Variants in DSCAM observed in about 807,000 individuals in gnomAD.
DSCAM encodes the protein cell adhesion molecule DSCAM.
A neutral mutation model predicts 217.7 loss-of-function variants in DSCAM; 47 were observed. That is an observed-to-expected ratio of 0.22 (90% CI 0.17 to 0.28). The LOEUF (loss-of-function observed/expected upper bound fraction) is 0.28, where lower values mean the gene tolerates loss of function less well. DSCAM is among the 10% of genes least tolerant of loss of function. DSCAM has a pLI of 1.00. For synonymous variants in DSCAM, 1,056 were observed against 1,015.3 expected, an observed-to-expected ratio of 1.04 and a Z score of -0.76; for missense variants, 2,080 against 2,618.3, an observed-to-expected ratio of 0.79 and a Z score of 4.49.
At chr21:40,449,898 T>C (rs913720189) in intron 3 of DSCAM, among the ~76,000 whole-genome samples, 4 of 152,202 alleles carry the variant, frequency 2.6e-5, no homozygotes, top group African/African-American at 9.7e-5. Context: ...ATTATAATAG[T>C]TGATGGCCAA....
intron 1 of DSCAM, among the ~76,000 whole-genome samples, chr21:40,831,987 G>C (rs1436935143): frequency 6.6e-6 from 1 of 152,194 alleles, no homozygotes; most frequent in Non-Finnish European, 1.5e-5. Flanking sequence ...AAGATTTAAA[G>C]ACTGTGACAC....
chr21:40,536,475 C>T (rs1371101663), intron 3 of DSCAM, among the ~76,000 whole-genome samples: 4 of 149,742 alleles, frequency 2.7e-5, no homozygotes, highest in Non-Finnish European at 1.5e-5. Context: ...CATCTCGGCT[C>T]ACTGCAAGCT....
chr21:40,745,084 C>T (rs901174340), intron 1 of DSCAM, among the ~76,000 whole-genome samples: 4 of 151,980 alleles, frequency 2.6e-5, no homozygotes, highest in Non-Finnish European at 5.9e-5. Flanking sequence ...ACCTCAAAGA[C>T]AGAACATATA....
At chr21:40,240,768 C>T (rs542643000) in intron 11 of DSCAM, among the ~76,000 whole-genome samples, 3 of 152,148 alleles carry the variant, frequency 2.0e-5, no homozygotes, top group Non-Finnish European at 4.4e-5. Flanking sequence ...GGCATGCATG[C>T]CATTTGTGAC....
At chr21:40,254,956 T>C (rs961336457) in intron 11 of DSCAM, among the ~76,000 whole-genome samples, 6 of 152,132 alleles carry the variant, frequency 3.9e-5, no homozygotes, top group African/African-American at 1.4e-4. Context: ...TCTGCTGATA[T>C]GATTAATGTC....
chr21:40,757,306 T>A (rs1417904980), intron 1 of DSCAM, among the ~76,000 whole-genome samples: 1 of 152,240 alleles, frequency 6.6e-6, no homozygotes, highest in African/African-American at 2.4e-5. Context: ...ATTACAGGCG[T>A]AAGCCATCGT....
chr21:40,538,296 A>C (rs1279596824), intron 3 of DSCAM, among the ~76,000 whole-genome samples: 1 of 133,826 alleles, frequency 7.5e-6, no homozygotes, highest in Non-Finnish European at 1.5e-5. Context: ...TCCAAAGCTA[A>C]CCCCGTGCAC....
intron 3 of DSCAM, among the ~76,000 whole-genome samples, chr21:40,683,997 C>A (rs750087806): frequency 2.6e-5 from 4 of 151,608 alleles, no homozygotes; most frequent in African/African-American, 7.3e-5. Context: ...GAGGCCGAGG[C>A]GGGCAGATCA....
intron 11 of DSCAM, among the ~76,000 whole-genome samples, chr21:40,196,266 C>T (rs2091007215): frequency 6.6e-6 from 1 of 152,154 alleles, no homozygotes; most frequent in Non-Finnish European, 1.5e-5. Flanking sequence ...CTGACTCCAA[C>T]CTCCTGCCGC....
chr21:40,600,474 T>C (rs1468813127), intron 3 of DSCAM, among the ~76,000 whole-genome samples: 1 of 152,162 alleles, frequency 6.6e-6, no homozygotes, highest in African/African-American at 2.4e-5. Flanking sequence ...AGGCCCCACC[T>C]CCTAAGACTA....
chr21:40,375,420 T>C (rs2074940518), intron 3 of DSCAM, among the ~76,000 whole-genome samples: 1 of 152,236 alleles, frequency 6.6e-6, no homozygotes, highest in Non-Finnish European at 1.5e-5. Flanking sequence ...CTCTCCTTCT[T>C]CCACCATACC....
chr21:40,742,638 G>T (rs1374353982), intron 1 of DSCAM, among the ~76,000 whole-genome samples: 2 of 152,218 alleles, frequency 1.3e-5, no homozygotes, highest in Non-Finnish European at 2.9e-5. Flanking sequence ...AGAAAATCCA[G>T]AAAACAGAGT....
At chr21:40,578,440 T>C (rs2076873206) in intron 3 of DSCAM, among the ~76,000 whole-genome samples, 2 of 40,702 alleles carry the variant, frequency 4.9e-5, no homozygotes, top group Admixed American at 3.3e-4. Context: ...CAGCACTCTG[T>C]AAAACAGACC....
Position 40,666,459 on chromosome 21 carries a change from C to T in DSCAM, c.508+26351G>A, listed in dbSNP as rs568271926. 1.6e-4 allele frequency among the ~76,000 whole-genome samples: 25 copies of T among 152,294 alleles called. No homozygotes were observed. In the South Asian group the frequency reaches 1.9e-3, roughly 11 times the overall value. On this transcript the variant is annotated intron_variant, in intron 3 of 32. Transcript: ENST00000400454. ...GTTCCAGGTGGTCCCATTGCTGATA[C>T]TTTCATCCCTGATAGAATTTTGCCA...
intron 3 of DSCAM, among the ~76,000 whole-genome samples, chr21:40,691,775 G>C (rs903592953): frequency 6.6e-6 from 1 of 152,140 alleles, no homozygotes; most frequent in African/African-American, 2.4e-5. Context: ...TTCTATCCTA[G>C]ATTCCTGTAA....
intron 1 of DSCAM, among the ~76,000 whole-genome samples, chr21:40,758,181 A>C (rs917760213): frequency 6.6e-6 from 1 of 151,384 alleles, no homozygotes; most frequent in Non-Finnish European, 1.5e-5. Flanking sequence ...GGAGCTTCAG[A>C]GGGAGACCAC....
chr21:40,027,240 A>G (rs989965177), intron 32 of DSCAM, among the ~76,000 whole-genome samples: 1 of 152,300 alleles, frequency 6.6e-6, no homozygotes, highest in Non-Finnish European at 1.5e-5. Flanking sequence ...TTCTGCCGAG[A>G]GATCCACTGT....
At chr21:40,230,430 T>C (rs2091371201) in intron 11 of DSCAM, among the ~76,000 whole-genome samples, 5 of 152,200 alleles carry the variant, frequency 3.3e-5, no homozygotes, top group Non-Finnish European at 5.9e-5. Flanking sequence ...AATTGGCCAA[T>C]TTTATCTGAA....
At chr21:40,337,987 C>T (rs992081880) in intron 8 of DSCAM, 114 bp downstream of exon 8, 1 of 1,335,220 alleles carries the variant, frequency 7.5e-7, no homozygotes, top group Non-Finnish European at 1.0e-6. Flanking sequence ...TCAGCCTGTA[C>T]AATTATCCTG....
Sources: allele counts gnomAD v4.1 joint callset (sites outside exome capture counted in the v4.1 genomes callset), GRCh38; gene constraint gnomAD v4.1.1; transcripts MANE v1.5; gene names NCBI Gene and HGNC (gene_info 2026-07-23, HGNC 2026-07-21).